Variants in RP1 observed in about 807,000 individuals in gnomAD.
The protein encoded by RP1 is RP1 axonemal microtubule associated, also known as oxygen-regulated protein 1.
Under a neutral mutation model 14.8 loss-of-function variants are expected in RP1, and 16 were observed. The ratio of observed to expected loss-of-function variants is 1.08; its 90% CI spans 0.73 to 1.65. The LOEUF is 1.65. RP1 is among the 40% of genes most tolerant of loss of function. The pLI, the probability that RP1 is intolerant of heterozygous loss-of-function variation, is 0.00. For missense variants in RP1, 2,631 were observed against 2,535.0 expected, an observed-to-expected ratio of 1.04 and a Z score of -0.81; for synonymous variants, 876 against 883.6, an observed-to-expected ratio of 0.99 and a Z score of 0.15.
chr8:54,653,590 A>T (rs896636152), intron 5 of RP1, among the ~76,000 whole-genome samples: 2 of 152,204 alleles, frequency 1.3e-5, no homozygotes, highest in Non-Finnish European at 2.9e-5. Flanking sequence ...ATGATGAGTA[A>T]TTCCTTAAAA....
At chr8:54,717,597 T>C (rs1490204375) in intron 15 of RP1, among the ~76,000 whole-genome samples, 1 of 152,156 alleles carries the variant, frequency 6.6e-6, no homozygotes, top group Non-Finnish European at 1.5e-5. Flanking sequence ...ATGGGAACTT[T>C]CTCAACTTGA....
At chr8:54,815,784 A>C (rs1585716476) in intron 24 of RP1, among the ~76,000 whole-genome samples, 1 of 152,198 alleles carries the variant, frequency 6.6e-6, no homozygotes, top group East Asian at 1.9e-4. Context: ...TGTCTGACTT[A>C]GAGTTCTGTT....
chr8:54,744,309 C>T (rs993161316), intron 19 of RP1, among the ~76,000 whole-genome samples: 1 of 152,104 alleles, frequency 6.6e-6, no homozygotes, highest in Non-Finnish European at 1.5e-5. Flanking sequence ...GGCCTATACT[C>T]AAAAGGGGAA....
rs950783460 is a variant in RP1, at chr8:54,865,857, T to C, written c.4092T>C (p.Ser1364=). 6 of 1,227,824 alleles carry C rather than the reference T, an allele frequency of 4.9e-6. No individual in the cohort carries two copies. The African/African-American group carries it at 9.3e-5, about 19-fold the overall frequency. The allele number at this position is 1,227,824 out of a possible 1,614,324, so 76.1% of individuals were successfully genotyped here. ...CAGGTAATGGATGGTTTCTTGGGAG[T>C]ATTGTTGTTAAGTCTGAAGATGAAG... Residue 1364 remains serine, a synonymous_variant, in exon 28 of 29, where the codon AGT becomes AGC. Coordinates refer to the RP1 transcript ENST00000637698.
At chr8:54,624,247 A>T (rs1235346985) in intron 3 of RP1, among the ~76,000 whole-genome samples, 1 of 151,996 alleles carries the variant, frequency 6.6e-6, no homozygotes, top group East Asian at 1.9e-4. Flanking sequence ...CGACGAGACC[A>T]TCCTGGCCAA....
intron 1 of RP1, among the ~76,000 whole-genome samples, chr8:54,579,918 GAGTGC>G (rs931911991): frequency 2.0e-5 from 3 of 152,174 alleles, no homozygotes; most frequent in Admixed American, 2.0e-4. Flanking sequence ...TGTCTCCTGG[GAGTGC>G]AGTGCTCTGC....
chr8:54,658,266 C>T (rs952429679), intron 6 of RP1, among the ~76,000 whole-genome samples: 11 of 151,984 alleles, frequency 7.2e-5, no homozygotes, highest in South Asian at 4.1e-4. Context: ...TTTAAGACTG[C>T]GTAGGCCGGG....
At chr8:54,828,866 C>A (rs374443351) in intron 24 of RP1, among the ~76,000 whole-genome samples, 1 of 128,838 alleles carries the variant, frequency 7.8e-6, no homozygotes, top group African/African-American at 2.9e-5. Flanking sequence ...CTTCTTTCTT[C>A]TTTCTTCTTC....
rs372769505 is a variant in RP1 at position 54,627,825 on chromosome 8, T to C, written c.3943T>C (p.Cys1315Arg). The change falls in exon 4 of 4, where the codon TGT becomes CGT. Residue 1315 changes from cysteine to arginine, a missense_variant. Physicochemically the swap from Cys to Arg is radical, Grantham distance 180 (BLOSUM62 -3). Coordinates refer to ENST00000220676, the MANE Select transcript of RP1 (RefSeq NM_006269.2). ...LTDTVFSDKA[C>R]AQKENHTYEG... ...TGATACTGTGTTTTCTGATAAGGCTTGTGCTCAAAAGGAGAACCATACCTA... is the reference window on the plus strand; with the variant it reads ...TGATACTGTGTTTTCTGATAAGGCTCGTGCTCAAAAGGAGAACCATACCTA... The C allele has an allele frequency of 6.2e-6, 10 of 1,614,072 alleles. No homozygotes were observed. In the African/African-American group the frequency reaches 1.3e-4, roughly 22 times the overall value.
intron 24 of RP1, among the ~76,000 whole-genome samples, chr8:54,824,964 T>C (rs993090075): frequency 9.2e-5 from 14 of 151,444 alleles, no homozygotes; most frequent in African/African-American, 1.7e-4. Context: ...TTCTTTCTTT[T>C]TTTTTTTTAA....
intron 23 of RP1, chr8:54,780,966 T>C: frequency 7.1e-6 from 7 of 983,702 alleles, no homozygotes; most frequent in Non-Finnish European, 8.5e-6. Flanking sequence ...CTTTACTTCA[T>C]TGTTGAGAAG....
At chr8:54,860,242 C>A (rs1170063578) in intron 27 of RP1, among the ~76,000 whole-genome samples, 1 of 151,132 alleles carries the variant, frequency 6.6e-6, no homozygotes, top group South Asian at 2.1e-4. Context: ...ATGGAGGGAG[C>A]AATAAACTTC....
At chr8:54,679,957 T>C in intron 12 of RP1, 1 of 1,535,102 alleles carries the variant, frequency 6.5e-7, no homozygotes, top group Middle Eastern at 1.7e-4. Context: ...ACAAAGCTTG[T>C]GGTGCTGGAC....
At chr8:54,668,566 A>G (rs973349172) in intron 7 of RP1, among the ~76,000 whole-genome samples, 5 of 152,198 alleles carry the variant, frequency 3.3e-5, no homozygotes, top group African/African-American at 1.2e-4. Flanking sequence ...CCACATTGCC[A>G]AGACAATCCT....
At chr8:54,709,850 A>G (rs1251028708) in intron 15 of RP1, among the ~76,000 whole-genome samples, 1 of 152,186 alleles carries the variant, frequency 6.6e-6, no homozygotes, top group Non-Finnish European at 1.5e-5. Flanking sequence ...GCAAACCAGA[A>G]ATAACAGGTC....
At chr8:54,852,248 A>G (rs1812074591) in intron 25 of RP1, among the ~76,000 whole-genome samples, 1 of 152,182 alleles carries the variant, frequency 6.6e-6, no homozygotes, top group African/African-American at 2.4e-5. Context: ...CTTTCATCTA[A>G]TAAAGAGAGA....
upstream of RP1, among the ~76,000 whole-genome samples, chr8:54,611,882 T>TCC (rs1805603862): frequency 9.1e-5 from 7 of 76,654 alleles, no homozygotes; most frequent in African/African-American, 3.6e-4. Flanking sequence ...CCTCCCTCCC[T>TCC]CTCTCCCTTC....
intron 1 of RP1, among the ~76,000 whole-genome samples, chr8:54,606,447 C>T (rs1446889871): frequency 6.6e-6 from 1 of 151,876 alleles, no homozygotes; most frequent in Non-Finnish European, 1.5e-5. Context: ...TGTGGGTAAC[C>T]CGACCTTTCT....
chr8:54,603,155 G>A (rs1805334957), intron 1 of RP1, among the ~76,000 whole-genome samples: 2 of 152,096 alleles, frequency 1.3e-5, no homozygotes, highest in African/African-American at 2.4e-5. Context: ...TTCTTCTAGG[G>A]TTTTTATGGT....
Sources: allele counts gnomAD v4.1 joint callset (sites outside exome capture counted in the v4.1 genomes callset), GRCh38; gene constraint gnomAD v4.1.1; transcripts MANE v1.5; gene names NCBI Gene and HGNC (gene_info 2026-07-23, HGNC 2026-07-21).